ASPRV1: variants seen among roughly 807,000 people sequenced by gnomAD.
ASPRV1 encodes aspartic peptidase retroviral like 1, also known as retroviral-like aspartic protease 1.
In ASPRV1, 7 loss-of-function variants were observed where a neutral mutation model predicts 11.0. The ratio of observed to expected loss-of-function variants is 0.64; its 90% CI spans 0.36 to 1.20. The LOEUF (loss-of-function observed/expected upper bound fraction) is 1.20, where lower values mean the gene tolerates loss of function less well. Ranked by LOEUF, ASPRV1 falls within the 50% of genes most tolerant of loss-of-function variation. The probability of loss-of-function intolerance (pLI) is 0.02; values close to 1 mark genes in which losing one functional copy is unlikely to be tolerated. For missense variants in ASPRV1, 299 were observed against 320.0 expected, an observed-to-expected ratio of 0.93 and a Z score of 0.50; for synonymous variants, 136 against 138.4, an observed-to-expected ratio of 0.98 and a Z score of 0.12.
chr2:69,965,913 C>T (rs1243710715), upstream of ASPRV1, among the ~76,000 whole-genome samples: 1 of 152,246 alleles, frequency 6.6e-6, no homozygotes, highest in Admixed American at 6.5e-5. Context: ...GGCCCTTCCC[C>T]AGCTTGCCAC....
chr2:69,990,119 G>C, the ASPRV1 span, among the ~76,000 whole-genome samples: 1 of 152,256 alleles, frequency 6.6e-6, no homozygotes, highest in Non-Finnish European at 1.5e-5. Context: ...CAAAGTGACA[G>C]AGGCAGGGCT....
chr2:70,073,762 C>A, the ASPRV1 span, among the ~76,000 whole-genome samples: 1 of 152,070 alleles, frequency 6.6e-6, no homozygotes, highest in African/African-American at 2.4e-5. Flanking sequence ...CAAAAAAGAA[C>A]CTAGATCTAC....
At chr2:70,060,607 G>A in the ASPRV1 span, among the ~76,000 whole-genome samples, 1 of 152,040 alleles carries the variant, frequency 6.6e-6, no homozygotes, top group African/African-American at 2.4e-5. Context: ...GAGGTCAGGA[G>A]TTTGAGACCA....
chr2:70,044,414 C>G, the ASPRV1 span, among the ~76,000 whole-genome samples: 4 of 152,176 alleles, frequency 2.6e-5, no homozygotes, highest in Admixed American at 6.5e-5. Context: ...CCAGCACCCA[C>G]TGCTATCTGG....
the ASPRV1 span, among the ~76,000 whole-genome samples, chr2:70,084,149 G>C: frequency 6.6e-6 from 1 of 152,120 alleles, no homozygotes. Context: ...AGTCCCAGGA[G>C]TACATAACAG....
the ASPRV1 span, among the ~76,000 whole-genome samples, chr2:70,075,858 A>G: frequency 4.8e-3 from 733 of 152,228 alleles, 3 homozygotes; most frequent in Non-Finnish European, 7.6e-3. Context: ...TCAAAGAAAA[A>G]AAAAAAAGAA....
chr2:69,996,109 C>T, the ASPRV1 span, among the ~76,000 whole-genome samples: 2 of 147,172 alleles, frequency 1.4e-5, no homozygotes, highest in East Asian at 2.0e-4. Context: ...GGTGGGGTGT[C>T]GAGGTTCACC....
chr2:70,007,255 C>T, the ASPRV1 span, among the ~76,000 whole-genome samples: 2,277 of 152,292 alleles, frequency 0.015, 67 homozygotes, highest in African/African-American at 0.052. Context: ...AGGTTGCTCA[C>T]GCCTGTAATC....
the ASPRV1 span, among the ~76,000 whole-genome samples, chr2:70,047,536 C>T: frequency 6.6e-6 from 1 of 152,144 alleles, no homozygotes; most frequent in East Asian, 1.9e-4. Context: ...TGTCTACTGA[C>T]AGAAATTCTA....
chr2:70,004,528 CAAAAAAAAAAAA>C, the ASPRV1 span, among the ~76,000 whole-genome samples: 13 of 54,640 alleles, frequency 2.4e-4, no homozygotes, highest in East Asian at 2.3e-3. Context: ...AACTCCATCT[CAAAAAAAAAAAA>C]AAAAAAAAAA....
the ASPRV1 span, chr2:70,086,625 C>A: frequency 6.6e-6 from 1 of 152,276 alleles, no homozygotes; most frequent in Non-Finnish European, 1.5e-5. Flanking sequence ...CCCTGGCCGG[C>A]AGCCCCTGAA....
At chr2:69,988,618 G>A in the ASPRV1 span, 1 of 357,068 alleles carries the variant, frequency 2.8e-6, no homozygotes, top group Non-Finnish European at 5.6e-6. Flanking sequence ...ATGGTTACAT[G>A]ATATTGTAAA....
the ASPRV1 span, among the ~76,000 whole-genome samples, chr2:70,004,856 T>C: frequency 6.6e-5 from 10 of 152,154 alleles, no homozygotes; most frequent in African/African-American, 2.4e-4. Context: ...TCCCCGTCTG[T>C]TGTTACCTGC....
At chr2:70,029,096 T>C in the ASPRV1 span, among the ~76,000 whole-genome samples, 1 of 152,198 alleles carries the variant, frequency 6.6e-6, no homozygotes, top group African/African-American at 2.4e-5. Context: ...ACTGGTGTGA[T>C]GTCATTCGAG....
At chr2:70,056,264 G>C in the ASPRV1 span, 2 of 152,156 alleles carry the variant, frequency 1.3e-5, no homozygotes, top group African/African-American at 4.8e-5. Context: ...CTGGAGATCT[G>C]CTGCACAAAA....
chr2:69,990,058 T>TA, the ASPRV1 span, among the ~76,000 whole-genome samples: 3 of 152,262 alleles, frequency 2.0e-5, no homozygotes, highest in Admixed American at 2.0e-4. Flanking sequence ...TCCTCATTTT[T>TA]AATGAAGGCA....
the ASPRV1 span, among the ~76,000 whole-genome samples, chr2:70,084,553 A>T: frequency 3.3e-5 from 5 of 152,202 alleles, no homozygotes; most frequent in African/African-American, 9.6e-5. Flanking sequence ...CCATTTCAGG[A>T]GGTTTTGTGA....
In ASPRV1 at chr2:69,960,736, G is replaced by A. The variant is rs138893038; in HGVS notation, c.701C>T (p.Ser234Phe). 9.3e-6 allele frequency: 15 copies of A among 1,614,120 alleles called. No homozygotes were observed. The African/African-American group carries it at 1.5e-4, about 16-fold the overall frequency. Residue 234 changes from serine (S) to phenylalanine (F), a missense_variant, in exon 1 of 1, where the codon TCC becomes TTC. Physicochemically the swap from Ser to Phe is radical, Grantham distance 155. Coordinates refer to ENST00000320256, the MANE Select transcript of ASPRV1 (RefSeq NM_152792.4). ...KKFRLLPVGG[S>F]LEDEFDLELI... is the part of the protein sequence containing the mutation. ...CTCCAGGTCAAACTCATCTTCCAGG[G>A]ACCCTCCCACAGGCAGAAGGCGAAA...
the ASPRV1 span, among the ~76,000 whole-genome samples, chr2:69,944,061 C>G: frequency 6.6e-6 from 1 of 152,168 alleles, no homozygotes; most frequent in Non-Finnish European, 1.5e-5. Context: ...GGCAGCTGGG[C>G]CCTTTTAGGA....
Sources: allele counts gnomAD v4.1 joint callset (sites outside exome capture counted in the v4.1 genomes callset), GRCh38; gene constraint gnomAD v4.1.1; transcripts MANE v1.5; gene names NCBI Gene and HGNC (gene_info 2026-07-23, HGNC 2026-07-21).